Variants in CNBD1 observed in about 807,000 individuals in gnomAD.
The protein encoded by CNBD1 is cyclic nucleotide binding domain containing 1.
In CNBD1, 71 loss-of-function variants were observed where a neutral mutation model predicts 54.4. That is an observed-to-expected ratio of 1.30 (90% CI 1.08 to 1.59). CNBD1 has a LOEUF of 1.59. Among genes scored for constraint, CNBD1 ranks in the 40% most tolerant of loss-of-function variants. CNBD1 has a pLI of 0.00. For synonymous variants in CNBD1, 182 were observed against 170.7 expected (o/e 1.07, Z -0.51); for missense variants, 659 against 518.0 (o/e 1.27, Z -2.64).
chr8:87,411,215 G>C (rs1054504396), intron 2 of CNBD1, among the ~76,000 whole-genome samples: 5 of 151,554 alleles, frequency 3.3e-5, no homozygotes, highest in Admixed American at 1.3e-4. Context: ...CAAGGTCAGA[G>C]GCTGTGTTTT....
intron 4 of CNBD1, among the ~76,000 whole-genome samples, chr8:87,013,498 C>G (rs761578285): frequency 4.0e-5 from 6 of 151,790 alleles, no homozygotes; most frequent in Non-Finnish European, 8.8e-5. Context: ...AGTTTCTATT[C>G]TAAGTTATCT....
intron 2 of CNBD1, among the ~76,000 whole-genome samples, chr8:87,423,351 G>A (rs1250319621): frequency 6.8e-6 from 1 of 147,856 alleles, no homozygotes; most frequent in East Asian, 1.9e-4. Flanking sequence ...CCTGTCTTGT[G>A]CCAGTTTTCA....
chr8:87,339,783 CAAT>C (rs1810027926), intron 8 of CNBD1, among the ~76,000 whole-genome samples: 1 of 152,064 alleles, frequency 6.6e-6, no homozygotes, highest in African/African-American at 2.4e-5. Flanking sequence ...CAATTACATA[CAAT>C]GAGTCTACAC....
chr8:87,110,055 T>A (rs1811629996), intron 4 of CNBD1, among the ~76,000 whole-genome samples: 1 of 152,196 alleles, frequency 6.6e-6, no homozygotes, highest in Admixed American at 6.5e-5. Context: ...TATTCTTATC[T>A]TGGCTACTTT....
intron 8 of CNBD1, among the ~76,000 whole-genome samples, chr8:87,340,077 G>A (rs1810034634): frequency 6.6e-6 from 1 of 152,250 alleles, no homozygotes; most frequent in Admixed American, 6.5e-5. Context: ...GGCAGGTCTA[G>A]TTATAATAAC....
chr8:86,873,463 G>C (rs1470901738), intron 1 of CNBD1, among the ~76,000 whole-genome samples: 1 of 151,750 alleles, frequency 6.6e-6, no homozygotes, highest in African/African-American at 2.4e-5. Flanking sequence ...ATAATATTGA[G>C]TCTTCCTACT....
intron 8 of CNBD1, among the ~76,000 whole-genome samples, chr8:87,315,759 G>A (rs1462554084): frequency 1.3e-5 from 2 of 151,990 alleles, no homozygotes; most frequent in Non-Finnish European, 2.9e-5. Context: ...TCAAAATATA[G>A]TTAGATTGAA....
At chr8:87,264,821 T>A (rs1375293355) in intron 6 of CNBD1, among the ~76,000 whole-genome samples, 1 of 152,166 alleles carries the variant, frequency 6.6e-6, no homozygotes, top group African/African-American at 2.4e-5. Flanking sequence ...TCTGTTCATA[T>A]CCTTCGCCCA....
intron 4 of CNBD1, among the ~76,000 whole-genome samples, chr8:87,098,752 C>G (rs1218314750): frequency 6.7e-6 from 1 of 149,548 alleles, no homozygotes; most frequent in Non-Finnish European, 1.5e-5. Flanking sequence ...AAAAAAAACT[C>G]CTGGGCCAGG....
At chr8:87,097,696 G>T (rs1257474260) in intron 4 of CNBD1, among the ~76,000 whole-genome samples, 1 of 152,124 alleles carries the variant, frequency 6.6e-6, no homozygotes, top group Non-Finnish European at 1.5e-5. Context: ...GCAATGCGTG[G>T]TGCCACAAAT....
At chr8:87,307,969 G>T (rs554432267) in intron 8 of CNBD1, among the ~76,000 whole-genome samples, 1 of 152,128 alleles carries the variant, frequency 6.6e-6, no homozygotes, top group East Asian at 1.9e-4. Context: ...CACTAGGATT[G>T]TATTTTCCAA....
intron 4 of CNBD1, among the ~76,000 whole-genome samples, chr8:87,139,599 G>T (rs1211531866): frequency 6.6e-6 from 1 of 152,168 alleles, no homozygotes; most frequent in African/African-American, 2.4e-5. Context: ...CTAGAGTGGT[G>T]TCAGGGAGCA....
At chr8:87,115,471 T>A (rs904657161) in intron 4 of CNBD1, among the ~76,000 whole-genome samples, 10 of 152,162 alleles carry the variant, frequency 6.6e-5, no homozygotes, top group Non-Finnish European at 1.2e-4. Flanking sequence ...AGAATGAAAA[T>A]GGGCAGATTT....
intron 1 of CNBD1, among the ~76,000 whole-genome samples, chr8:86,869,179 T>A (rs1808406413): frequency 6.6e-6 from 1 of 152,204 alleles, no homozygotes; most frequent in African/African-American, 2.4e-5. Flanking sequence ...CGTTTTTATT[T>A]TTTTAAGCCA....
chr8:87,226,973 T>C (rs1488644535), intron 5 of CNBD1, among the ~76,000 whole-genome samples: 1 of 151,710 alleles, frequency 6.6e-6, no homozygotes, highest in Non-Finnish European at 1.5e-5. Flanking sequence ...CTTGTTGAAT[T>C]GATCCCTTTA....
At chr8:87,175,957 G>T (rs556456104) in intron 4 of CNBD1, among the ~76,000 whole-genome samples, 2 of 152,266 alleles carry the variant, frequency 1.3e-5, no homozygotes, top group African/African-American at 4.8e-5. Flanking sequence ...ATTGGTGGGG[G>T]TCAGCTGAGT....
rs183193017 is a variant in CNBD1 at position 87,307,597 on chromosome 8, G to A, written c.1042+20926G>A. On this transcript the variant is annotated intron_variant, in intron 8 of 10. Coordinates refer to ENST00000518476, the MANE Select transcript of CNBD1 (RefSeq NM_173538.3). ...TACTAAAAATACAAAAATTAGCTGG[G>A]CATGGAGGCACATGCCTATAATCCC... Among the ~76,000 whole-genome samples the A allele has an allele frequency of 3.7e-3, 567 of 152,112 alleles. 6 individuals carry two copies. Among genetic ancestry groups the A allele is most frequent in the African/African-American group, 0.013 (551 of 41,510 alleles).
chr8:86,986,452 C>G (rs537568901), intron 4 of CNBD1, among the ~76,000 whole-genome samples: 1 of 151,974 alleles, frequency 6.6e-6, no homozygotes, highest in African/African-American at 2.4e-5. Context: ...ATTTTTTTCC[C>G]ATTCTGTAGG....
chr8:86,976,545 A>G (rs551389861), intron 4 of CNBD1, among the ~76,000 whole-genome samples: 192 of 152,098 alleles, frequency 1.3e-3, no homozygotes, highest in Middle Eastern at 3.4e-3. Flanking sequence ...CATAAATATT[A>G]GAATAGTTTT....
Sources: gnomAD v4.1 joint callset for allele counts (sites outside exome capture counted in the v4.1 genomes callset) on GRCh38, gnomAD v4.1.1 for gene constraint, MANE v1.5 for transcripts, NCBI Gene and HGNC (gene_info 2026-07-23, HGNC 2026-07-21) for gene names.